KRT1: variants seen among roughly 807,000 people sequenced by gnomAD.
KRT1 encodes keratin 1.
In KRT1, 28 loss-of-function variants were observed where a neutral mutation model predicts 51.6. The ratio of observed to expected loss-of-function variants is 0.54; its 90% CI spans 0.40 to 0.74. KRT1 has a LOEUF of 0.74. Ranked by LOEUF, KRT1 falls within the 30% of genes least tolerant of loss-of-function variation. KRT1 has a pLI of 0.00. For synonymous variants in KRT1, 301 were observed against 307.7 expected (o/e 0.98, Z 0.23); for missense variants, 783 against 815.5 (o/e 0.96, Z 0.49).
Position 52,675,405 on chromosome 12 carries a change from G to GGCC in KRT1, c.1720_1722dup (p.Gly574dup), listed in dbSNP as rs1555171178. On this transcript the variant is annotated inframe_insertion, in exon 9 of 9. Transcript: ENST00000252244. ...CTGCTTCCGGAGCCGTAGCTGCCAT[G>GGCC]GCCGCCGCCGCCACCTCCAGAGCCA... 6.5e-7 allele frequency: 1 copy of GGCC among 1,544,654 alleles called. No individual in the cohort carries two copies. The highest frequency in any genetic ancestry group is 1.8e-5 in the Admixed American group (1 of 54,920).
Position 52,676,287 on chromosome 12 carries a change from C to G in KRT1, c.1463G>C (p.Gly488Ala). 6.2e-7 allele frequency: 1 copy of G among 1,613,954 alleles called. No homozygotes were observed. The highest frequency in any genetic ancestry group is 8.5e-7 in the Non-Finnish European group (1 of 1,179,836). Reference sequence around the variant, plus strand: ...GTCCCTTCCTCACCTGCTTTCTTCTCCCTCCAGGAGGGTCCTGTAGGTGGC... The same window carrying G: ...GTCCCTTCCTCACCTGCTTTCTTCTGCCTCCAGGAGGGTCCTGTAGGTGGC... ...EIATYRTLLEGEESRMSGECA... is the reference protein window; with the variant it reads ...EIATYRTLLEAEESRMSGECA... Residue 488 changes from glycine to alanine, a missense_variant, in exon 7 of 9, where the codon GGA (glycine) becomes GCA (alanine). By Grantham distance (60) the Gly-to-Ala change is moderately conservative. Transcript: ENST00000252244.
intron 1 of KRT1, among the ~76,000 whole-genome samples, chr12:52,679,166 G>A (rs79527822): frequency 0.019 from 2,925 of 152,162 alleles, 85 homozygotes; most frequent in African/African-American, 0.066. Context: ...CCTTGGATTG[G>A]CACTATTAAT....
intron 5 of KRT1, 48 bp downstream of exon 5, chr12:52,677,268 C>T: frequency 1.9e-6 from 3 of 1,614,188 alleles, no homozygotes; most frequent in Non-Finnish European, 2.5e-6. Context: ...CACAGGATAG[C>T]AAGACAAGCC....
chr12:52,678,113 C>G (rs1444764052), intron 3 of KRT1, 50 bp downstream of exon 3: 1 of 1,574,894 alleles, frequency 6.3e-7, no homozygotes, highest in African/African-American at 1.3e-5. Context: ...TGGAGACCCT[C>G]TTCCCTTATT....
In KRT1 at chr12:52,675,726, G is replaced by A; in HGVS notation, c.1494C>T (p.Ala498=). The part of the protein sequence containing the change: ...GEESRMSGEC[A]PNVSVSVSTS... ...TGTACTTACACACACTCACGTTCGG[G>A]GCACATTCTCCAGACATCCTGTAGG... Residue 498 remains alanine, a synonymous_variant, in exon 8 of 9, where the codon GCC becomes GCT. Transcript: ENST00000252244. 1 of 1,614,154 alleles carries A rather than the reference G, an allele frequency of 6.2e-7. No homozygotes were observed.
Position 52,675,492 on chromosome 12 carries a change from C to T in KRT1, c.1636G>A (p.Gly546Ser), listed in dbSNP as rs762340514. ...GGSYGSGGGG[G>S]GGRGSYGSGG... ...GAGCCATAGCTGCCACGGCCGCCGC[C>T]GCCGCCACCTCCAGAACCATAGCTA... The change falls in exon 9 of 9, where the codon GGC becomes AGC. Residue 546 changes from glycine (G) to serine (S), a missense_variant. Gly to Ser is a moderately conservative substitution (Grantham distance 56, BLOSUM62 0). Coordinates refer to ENST00000252244, the MANE Select transcript of KRT1 (RefSeq NM_006121.4). 6.5e-6 allele frequency: 10 copies of T among 1,545,224 alleles called. No individual in the cohort carries two copies. The highest frequency in any genetic ancestry group is 3.7e-4 in the Middle Eastern group (2 of 5,458).
rs1555171443 is a variant in KRT1, at chr12:52,678,736, C to G, written c.612G>C (p.Gln204His). ...FIDKVRFLEQ[Q>H]NQVLQTKWEL... ...CCCATTTTGTTTGCAGTACCTGGTT[C>G]TGCTGCTCCAGGAACCTCACCTAAA... The change falls in exon 2 of 9, where the codon CAG becomes CAC. Residue 204 changes from glutamine to histidine, a missense_variant. Physicochemically the swap from Gln to His is conservative, Grantham distance 24 (BLOSUM62 0). Transcript: ENST00000252244. 1 of 1,614,126 alleles carries G rather than the reference C, an allele frequency of 6.2e-7. No individual in the cohort carries two copies. The highest frequency in any genetic ancestry group is 8.5e-7 in the Non-Finnish European group (1 of 1,180,024).
At chr12:52,677,861 T>A (rs1465471256) in intron 3 of KRT1, 116 bp from the exon 4 acceptor site, 1 of 889,074 alleles carries the variant, frequency 1.1e-6, no homozygotes, top group East Asian at 2.5e-5. Context: ...CCACTCCTTT[T>A]TGCCCCAGGT....
intron 4 of KRT1, 41 bp downstream of exon 4, chr12:52,677,609 C>T (rs1941529943): frequency 1.2e-6 from 2 of 1,608,026 alleles, no homozygotes; most frequent in Non-Finnish European, 1.7e-6. Flanking sequence ...GGCTTAAAAA[C>T]TCTCCATTTA....
chr12:52,678,859 C>A, intron 1 of KRT1, 103 bp from the exon 2 acceptor site: 1 of 990,728 alleles, frequency 1.0e-6, no homozygotes, highest in Non-Finnish European at 1.6e-6. Context: ...TATCTTCTGA[C>A]CATGACAGAG....
At position 52,675,690 on chromosome 12, in the gene KRT1, A is replaced by C. The variant is rs1407960986; in HGVS notation, c.1510+20T>G. On this transcript the variant is annotated intron_variant, in intron 8 of 8. Transcript: ENST00000252244. Reference sequence around the variant, plus strand: ...CCAACAAAGCCTGCACATGCCCCTGAGAAATCGACTTGTACTTACACACAC... The same window carrying C: ...CCAACAAAGCCTGCACATGCCCCTGCGAAATCGACTTGTACTTACACACAC... The C allele has an allele frequency of 6.2e-7, 1 of 1,614,212 alleles. No homozygotes were observed. Among genetic ancestry groups the C allele is most frequent in the South Asian group, 1.1e-5 (1 of 91,078 alleles).
Position 52,678,721 on chromosome 12 carries a change from T to G in KRT1, c.627A>C (p.Gln209His). 1 of 1,614,182 alleles carries G rather than the reference T, an allele frequency of 6.2e-7. No individual in the cohort carries two copies. The highest frequency in any genetic ancestry group is 8.5e-7 in the Non-Finnish European group (1 of 1,180,038). The part of the protein sequence containing the change: ...RFLEQQNQVL[Q>H]TKWELLQQVD... Reference sequence around the variant, plus strand: ...CCTGCTGCAGCAGCTCCCATTTTGTTTGCAGTACCTGGTTCTGCTGCTCCA... The same window carrying G: ...CCTGCTGCAGCAGCTCCCATTTTGTGTGCAGTACCTGGTTCTGCTGCTCCA... Residue 209 changes from glutamine (Q) to histidine (H), a missense_variant, in exon 2 of 9, where the codon CAA becomes CAC. Transcript: ENST00000252244.
chr12:52,680,332 C>T lies in KRT1; in HGVS notation c.17G>A (p.Ser6Asn), dbSNP rs776478134. MSRQF[S>N]SRSGYRSGGG... ...TCCACTTCGGTACCCAGACCTGGAA[C>T]TAAACTGTCGACTCATGTTGACTTA... Residue 6 changes from serine (S) to asparagine (N), a missense_variant, in exon 1 of 9, where the codon AGT becomes AAT. Physicochemically the swap from Ser to Asn is conservative, Grantham distance 46. Transcript: ENST00000252244. 2 of 1,614,084 alleles carry T rather than the reference C, an allele frequency of 1.2e-6. No homozygotes were observed. The highest frequency in any genetic ancestry group is 2.2e-5 in the East Asian group (1 of 44,818).
Position 52,675,309 on chromosome 12 carries a change from CGCCGCCAGAGCCCCG to C in KRT1, c.1804_1818del (p.Arg602_Gly606del), listed in dbSNP as rs761180284. ...CCTCCTATGGAGCCTCCAGAGCTCC[CGCCGCCAGAGCCCCG>C]GCCGCCAGAGCTGCCGCCGCCGCCG... On this transcript the variant is annotated inframe_deletion, in exon 9 of 9. Transcript: ENST00000252244. The C allele has an allele frequency of 8.7e-6, 14 of 1,612,776 alleles. No individual in the cohort carries two copies. Among genetic ancestry groups the C allele is most frequent in the South Asian group, 1.1e-5 (1 of 90,790 alleles).
chr12:52,679,663 A>G (rs1941557176), intron 1 of KRT1, 95 bp downstream of exon 1: 8 of 1,068,172 alleles, frequency 7.5e-6, no homozygotes, highest in South Asian at 1.3e-5. Context: ...TCATGTAAAC[A>G]TGGAAACTTG....
In KRT1 at chr12:52,676,509, T is replaced by C. The variant is rs1941506476; in HGVS notation, c.1255-14A>G. On this transcript the variant is annotated splice_polypyrimidine_tract_variant and intron_variant, in intron 6 of 8. Coordinates refer to ENST00000252244, the MANE Select transcript of KRT1 (RefSeq NM_006121.4). ...CAAGTTGGAGATCTGAAAAAGAATA[T>C]GACACCCTCTCATAATATGCATTCC... is the stretch of plus-strand genomic sequence containing the variant. 6.2e-7 allele frequency: 1 copy of C among 1,613,706 alleles called. No individual in the cohort carries two copies. The highest frequency in any genetic ancestry group is 1.3e-5 in the African/African-American group (1 of 74,940).
At position 52,674,897 on chromosome 12, in the gene KRT1, T is replaced by C. The variant is rs567789290; in HGVS notation, c.*296A>G. 5.5e-5 allele frequency: 30 copies of C among 550,130 alleles called. 1 individual carries two copies. Among genetic ancestry groups the C allele is most frequent in the Middle Eastern group, 4.9e-4 (1 of 2,030 alleles). 34.1% of individuals were successfully genotyped at this position (550,130 alleles called of 1,614,324 possible). ...ACACCCTGGGTCTAACTGGTCCTAC[T>C]CTGGCTGGCTTAAGGAGGTGCTTTG... is the stretch of plus-strand genomic sequence containing the variant. On this transcript the variant is annotated 3_prime_UTR_variant, in exon 9 of 9. Coordinates refer to ENST00000252244, the MANE Select transcript of KRT1 (RefSeq NM_006121.4).
intron 6 of KRT1, among the ~76,000 whole-genome samples, chr12:52,676,698 G>A (rs1290297298): frequency 6.6e-6 from 1 of 152,026 alleles, no homozygotes; most frequent in Admixed American, 6.5e-5. Context: ...AGCCTCTCTT[G>A]GCCCTGAGTC....
Position 52,675,517 on chromosome 12 carries a change from A to G in KRT1, c.1611T>C (p.Gly537=), listed in dbSNP as rs778594975. 1.9e-6 allele frequency: 3 copies of G among 1,603,136 alleles called. No homozygotes were observed. Among genetic ancestry groups the G allele is most frequent in the African/African-American group, 1.4e-5 (1 of 74,050 alleles). The change falls in exon 9 of 9, where the codon GGT becomes GGC. Residue 537 remains glycine (G), a synonymous_variant. Coordinates refer to ENST00000252244, the MANE Select transcript of KRT1 (RefSeq NM_006121.4). ...SGGSSYGSGG[G]SYGSGGGGGG... ...CGCCGCCACCTCCAGAACCATAGCTACCACCTCCGGAGCCATAGCTGCTAC... is the reference window on the plus strand; with the variant it reads ...CGCCGCCACCTCCAGAACCATAGCTGCCACCTCCGGAGCCATAGCTGCTAC...
Sources: gnomAD v4.1 joint callset for allele counts (sites outside exome capture counted in the v4.1 genomes callset) on GRCh38, gnomAD v4.1.1 for gene constraint, MANE v1.5 for transcripts, NCBI Gene and HGNC (gene_info 2026-07-23, HGNC 2026-07-21) for gene names.